CLVS1: variants seen among roughly 807,000 people sequenced by gnomAD.
The protein encoded by CLVS1 is clavesin-1.
A neutral mutation model predicts 33.1 loss-of-function variants in CLVS1; 10 were observed. The observed-to-expected ratio is 0.30, with a 90% CI of 0.19 to 0.51. The LOEUF (loss-of-function observed/expected upper bound fraction) is 0.51. Among genes scored for constraint, CLVS1 ranks in the 20% least tolerant of loss-of-function variants. The pLI, the probability that CLVS1 is intolerant of heterozygous loss-of-function variation, is 0.97. For missense variants in CLVS1, 343 were observed against 433.4 expected (o/e 0.79, Z 1.85); for synonymous variants, 163 against 166.1 (o/e 0.98, Z 0.14).
chr8:61,239,421 T>C (rs1320452610), intron 2 of CLVS1, among the ~76,000 whole-genome samples: 1 of 152,212 alleles, frequency 6.6e-6, no homozygotes, highest in African/African-American at 2.4e-5. Context: ...TATAGGTATT[T>C]TTTTTAGTCT....
intron 2 of CLVS1, among the ~76,000 whole-genome samples, chr8:61,330,848 G>T (rs572382161): frequency 1.3e-5 from 2 of 152,074 alleles, no homozygotes; most frequent in South Asian, 2.1e-4. Flanking sequence ...CCAGCACTGT[G>T]GGGGGCTAAG....
chr8:61,160,631 T>C lies in CLVS1; in HGVS notation c.-152+28771T>C, dbSNP rs79682521. Among the ~76,000 whole-genome samples the C allele has an allele frequency of 3.6e-3, 549 of 151,372 alleles. 4 individuals carry two copies. Among genetic ancestry groups the C allele is most frequent in the African/African-American group, 0.012 (507 of 41,496 alleles). On this transcript the variant is annotated intron_variant, in intron 2 of 2. Transcript: ENST00000522621. ...TCTTCTTGTTAAGAGATTTTTTTTT[T>C]CCTGAGATTAATTAGTAGCCAGGTA...
chr8:61,020,698 A>G, the CLVS1 span, among the ~76,000 whole-genome samples: 1 of 152,246 alleles, frequency 6.6e-6, no homozygotes, highest in Non-Finnish European at 1.5e-5. Flanking sequence ...CATGGAAGGC[A>G]TTGAGAAGAC....
At chr8:60,994,267 C>A in the CLVS1 span, among the ~76,000 whole-genome samples, 1 of 152,128 alleles carries the variant, frequency 6.6e-6, no homozygotes, top group African/African-American at 2.4e-5. Context: ...TGAGGACCCA[C>A]CCTAATGACC....
intron 1 of CLVS1, among the ~76,000 whole-genome samples, chr8:61,096,181 C>T (rs1460403314): frequency 6.6e-6 from 1 of 152,170 alleles, no homozygotes; most frequent in Non-Finnish European, 1.5e-5. Context: ...GCTCGATGTT[C>T]TGAAAATTGA....
At chr8:61,209,324 C>T (rs1014128451) in intron 2 of CLVS1, among the ~76,000 whole-genome samples, 1 of 152,198 alleles carries the variant, frequency 6.6e-6, no homozygotes, top group Non-Finnish European at 1.5e-5. Context: ...TTGCCTCCAA[C>T]TTAGAGAGTT....
intron 5 of CLVS1, among the ~76,000 whole-genome samples, chr8:61,477,428 C>G (rs1384946267): frequency 6.6e-6 from 1 of 152,190 alleles, no homozygotes; most frequent in Non-Finnish European, 1.5e-5. Context: ...CCATCTGGTC[C>G]TGGACTTCTT....
chr8:61,160,966 C>T (rs1169065937), intron 2 of CLVS1, among the ~76,000 whole-genome samples: 1 of 151,936 alleles, frequency 6.6e-6, no homozygotes, highest in Non-Finnish European at 1.5e-5. Flanking sequence ...ATAAGTGACC[C>T]AAATAACCCA....
chr8:61,025,036 A>G, the CLVS1 span, among the ~76,000 whole-genome samples: 1 of 152,122 alleles, frequency 6.6e-6, no homozygotes, highest in Non-Finnish European at 1.5e-5. Flanking sequence ...TTTAGTGGAG[A>G]TGGGGTTTCA....
chr8:61,091,431 G>A (rs545615783), intron 1 of CLVS1, among the ~76,000 whole-genome samples: 5 of 152,264 alleles, frequency 3.3e-5, no homozygotes, highest in South Asian at 2.1e-4. Flanking sequence ...AGTAGGAAAC[G>A]AATACACATT....
At chr8:61,288,312 C>T (rs1366501309) in intron 1 of CLVS1, 174 bp downstream of exon 1, 5 of 455,158 alleles carry the variant, frequency 1.1e-5, no homozygotes, top group East Asian at 6.9e-5. Context: ...GCCGCCTCCG[C>T]GGTCCATCCT....
chr8:61,155,938 C>A (rs2129295683), intron 2 of CLVS1, among the ~76,000 whole-genome samples: 1 of 152,294 alleles, frequency 6.6e-6, no homozygotes, highest in South Asian at 2.1e-4. Flanking sequence ...GGGCCTGGCC[C>A]ATAATGGCTC....
chr8:61,166,031 GTT>G (rs71245557), intron 2 of CLVS1, among the ~76,000 whole-genome samples: 15 of 108,356 alleles, frequency 1.4e-4, no homozygotes, highest in South Asian at 3.2e-4. Context: ...GCATCTAAGC[GTT>G]TTTTTTTTTT....
At chr8:61,376,564 C>G in intron 2 of CLVS1, 41 bp from the exon 3 acceptor site, 1 of 1,589,708 alleles carries the variant, frequency 6.3e-7, no homozygotes, top group Non-Finnish European at 8.6e-7. Flanking sequence ...CTATCACCTG[C>G]TCATATTCAC....
chr8:61,223,177 A>T (rs6985602), intron 2 of CLVS1, among the ~76,000 whole-genome samples: 2 of 152,120 alleles, frequency 1.3e-5, no homozygotes, highest in South Asian at 2.1e-4. Flanking sequence ...GCCCATTTAC[A>T]TTTAAGGTTT....
chr8:61,140,967 G>C (rs1432555525), intron 2 of CLVS1, among the ~76,000 whole-genome samples: 2 of 152,138 alleles, frequency 1.3e-5, no homozygotes, highest in Non-Finnish European at 2.9e-5. Flanking sequence ...CTCTCTCCTT[G>C]TTACTAAGGG....
intron 2 of CLVS1, among the ~76,000 whole-genome samples, chr8:61,226,650 G>A (rs1370143627): frequency 6.6e-6 from 1 of 152,176 alleles, no homozygotes; most frequent in Non-Finnish European, 1.5e-5. Flanking sequence ...AAAATTTCGA[G>A]TGAATGAAGA....
the CLVS1 span, among the ~76,000 whole-genome samples, chr8:61,023,868 G>A: frequency 1.3e-5 from 2 of 152,254 alleles, no homozygotes; most frequent in Non-Finnish European, 2.9e-5. Flanking sequence ...GCCTGAAGTC[G>A]CAGGGAGAAG....
chr8:61,484,590 C>T (rs912238752), intron 5 of CLVS1, among the ~76,000 whole-genome samples: 1 of 152,218 alleles, frequency 6.6e-6, no homozygotes, highest in African/African-American at 2.4e-5. Flanking sequence ...TTGGAAAAAA[C>T]TACTTTAAAG....
Sources: allele counts gnomAD v4.1 joint callset (sites outside exome capture counted in the v4.1 genomes callset), GRCh38; gene constraint gnomAD v4.1.1; transcripts MANE v1.5; gene names NCBI Gene and HGNC (gene_info 2026-07-23, HGNC 2026-07-21).